RBMS3: variants seen among roughly 807,000 people sequenced by gnomAD.
The protein encoded by RBMS3 is RNA binding motif single stranded interacting protein 3.
Under a neutral mutation model 66.8 loss-of-function variants are expected in RBMS3, and 27 were observed. The ratio of observed to expected loss-of-function variants is 0.40; its 90% CI spans 0.30 to 0.56. The LOEUF is 0.56. RBMS3 is among the 20% of genes least tolerant of loss of function. The pLI is 0.40. For missense variants in RBMS3, 513 were observed against 549.5 expected (o/e 0.93, Z 0.66); for synonymous variants, 188 against 183.0 (o/e 1.03, Z -0.22).
chr3:29,879,341 C>G (rs2059684272), intron 7 of RBMS3, among the ~76,000 whole-genome samples: 1 of 152,010 alleles, frequency 6.6e-6, no homozygotes, highest in African/African-American at 2.4e-5. Context: ...TTTTAAGCCC[C>G]TTTTTATACA....
At position 29,498,554 on chromosome 3, in the gene RBMS3, TTC is replaced by T. The variant is rs375933268; in HGVS notation, c.307+10057_307+10058del. 1.7e-3 allele frequency among the ~76,000 whole-genome samples: 260 copies of T among 152,296 alleles called. 1 individual carries two copies. The highest frequency in any genetic ancestry group is 6.1e-3 in the African/African-American group (253 of 41,554). On this transcript the variant is annotated intron_variant, in intron 3 of 14. Transcript: ENST00000383767. Reference sequence around the variant, plus strand: ...CCTTTTAAATATAAAAAAGACACAGTTCTTCAAAAATTTTCTAATTGAAGTCT... The same window carrying T: ...CCTTTTAAATATAAAAAAGACACAGTTTCAAAAATTTTCTAATTGAAGTCT...
At chr3:29,844,888 G>GT (rs1388556666) in intron 6 of RBMS3, among the ~76,000 whole-genome samples, 9 of 152,188 alleles carry the variant, frequency 5.9e-5, no homozygotes, top group Non-Finnish European at 1.0e-4. Flanking sequence ...CTTAAAAAGT[G>GT]TCATTCTTTG....
chr3:29,491,429 T>C (rs140955936), intron 3 of RBMS3, among the ~76,000 whole-genome samples: 5 of 152,362 alleles, frequency 3.3e-5, no homozygotes, highest in African/African-American at 1.2e-4. Flanking sequence ...TTTACATCTC[T>C]CTTTGTTTTT....
At chr3:29,796,847 G>A (rs1225323392) in intron 6 of RBMS3, among the ~76,000 whole-genome samples, 1 of 151,366 alleles carries the variant, frequency 6.6e-6, no homozygotes, top group African/African-American at 2.4e-5. Flanking sequence ...AGAGTAGCTG[G>A]GACTATAGGC....
chr3:29,984,478 C>G (rs1407996173), intron 12 of RBMS3, among the ~76,000 whole-genome samples: 15 of 151,878 alleles, frequency 9.9e-5, no homozygotes, highest in Admixed American at 9.8e-4. Context: ...GTGATCCTTT[C>G]AAGGAGAAGA....
chr3:29,726,310 G>T lies in RBMS3; in HGVS notation c.400-13410G>T, dbSNP rs57762662. 2.6e-5 allele frequency among the ~76,000 whole-genome samples: 4 copies of T among 152,042 alleles called. 1 individual carries two copies. The highest frequency in any genetic ancestry group is 9.7e-5 in the African/African-American group (4 of 41,348). On this transcript the variant is annotated intron_variant, in intron 4 of 14. Transcript: ENST00000383767. Reference sequence around the variant, plus strand: ...TTGAAAACTGGCAGAAGACAAGGATGCCCTCTCTCACCACTCCTATTCAGC... The same window carrying T: ...TTGAAAACTGGCAGAAGACAAGGATTCCCTCTCTCACCACTCCTATTCAGC...
intron 12 of RBMS3, among the ~76,000 whole-genome samples, chr3:29,964,086 C>T (rs1441722121): frequency 1.5e-4 from 23 of 152,130 alleles, no homozygotes; most frequent in Admixed American, 1.2e-3. Flanking sequence ...GAATCCACCA[C>T]GAAGTGTGTT....
intron 4 of RBMS3, among the ~76,000 whole-genome samples, chr3:29,587,435 T>A (rs1401285688): frequency 1.3e-5 from 2 of 151,780 alleles, no homozygotes; most frequent in Non-Finnish European, 2.9e-5. Flanking sequence ...CTTAGGAGAA[T>A]CTGTCTGGCT....
rs933669364 is a variant in RBMS3, at chr3:30,006,572, G to T, written c.*2710G>T. ...GCACTTAAGTTTTTATCTTTGAAAA[G>T]TGGGCCCCAAAGTTTTTTGGGGTAC... is the stretch of plus-strand genomic sequence containing the variant. On this transcript the variant is annotated 3_prime_UTR_variant, in exon 15 of 15. Coordinates refer to ENST00000383767, the MANE Select transcript of RBMS3 (RefSeq NM_001003793.3). 2.0e-5 allele frequency: 3 copies of T among 151,880 alleles called. No homozygotes were observed. The highest frequency in any genetic ancestry group is 4.4e-5 in the Non-Finnish European group (3 of 67,844). 9.4% of individuals were successfully genotyped at this position (151,880 alleles called of 1,614,324 possible).
intron 6 of RBMS3, among the ~76,000 whole-genome samples, chr3:29,816,247 CA>C (rs919327723): frequency 1.3e-5 from 2 of 151,572 alleles, no homozygotes; most frequent in African/African-American, 2.4e-5. Flanking sequence ...GCCCGATTAG[CA>C]AAGCCAAAAA....
rs189673254 is a variant in RBMS3, at chr3:29,454,534, G to A, written c.248+19619G>A. On this transcript the variant is annotated intron_variant, in intron 2 of 14. Transcript: ENST00000383767. ...ACAAGAGCTCTATTGTCTCTAATCC[G>A]CGTCACCACCCAGGACAAGCACCAA... is the stretch of plus-strand genomic sequence containing the variant. 1.5e-4 allele frequency among the ~76,000 whole-genome samples: 23 copies of A among 152,208 alleles called. No individual in the cohort carries two copies. In the East Asian group the frequency reaches 1.7e-3, roughly 11 times the overall value.
chr3:29,353,435 CATTT>C (rs903204810), intron 1 of RBMS3, among the ~76,000 whole-genome samples: 1 of 151,838 alleles, frequency 6.6e-6, no homozygotes, highest in African/African-American at 2.4e-5. Flanking sequence ...TTTATAGAAA[CATTT>C]ATTTCTTAAA....
chr3:29,547,598 A>G (rs2046009684), intron 3 of RBMS3, among the ~76,000 whole-genome samples: 1 of 151,994 alleles, frequency 6.6e-6, no homozygotes, highest in African/African-American at 2.4e-5. Flanking sequence ...GCTGAGGGAT[A>G]TTTTCTGATT....
chr3:29,512,109 A>T (rs1351767634), intron 3 of RBMS3, among the ~76,000 whole-genome samples: 1 of 151,982 alleles, frequency 6.6e-6, no homozygotes, highest in Admixed American at 6.6e-5. Flanking sequence ...CTTTATTCAG[A>T]TTTACTAAAA....
At chr3:29,294,572 G>GA (rs2033087781) in intron 1 of RBMS3, among the ~76,000 whole-genome samples, 1 of 151,860 alleles carries the variant, frequency 6.6e-6, no homozygotes, top group Non-Finnish European at 1.5e-5. Flanking sequence ...ACTGGGGGAT[G>GA]AAAGTAAGCA....
intron 4 of RBMS3, among the ~76,000 whole-genome samples, chr3:29,678,270 A>G (rs2051335856): frequency 2.0e-5 from 3 of 152,138 alleles, no homozygotes; most frequent in African/African-American, 7.2e-5. Flanking sequence ...ATATATGTTA[A>G]ATAGGAGTTT....
At chr3:29,819,422 T>G (rs954507041) in intron 6 of RBMS3, among the ~76,000 whole-genome samples, 21 of 152,200 alleles carry the variant, frequency 1.4e-4, no homozygotes, top group Admixed American at 3.9e-4. Flanking sequence ...CAGACCAGAT[T>G]TGGACCACAA....
intron 12 of RBMS3, among the ~76,000 whole-genome samples, chr3:29,982,521 T>C (rs1437908930): frequency 1.3e-5 from 2 of 152,220 alleles, no homozygotes; most frequent in Admixed American, 6.5e-5. Flanking sequence ...GTGTCGATTT[T>C]AGATCTTTCC....
At chr3:29,301,418 A>G (rs1201953774) in intron 1 of RBMS3, among the ~76,000 whole-genome samples, 5 of 152,064 alleles carry the variant, frequency 3.3e-5, no homozygotes, top group Admixed American at 3.3e-4. Context: ...GACAAGTCTC[A>G]GAAAGTTTAG....
Sources: allele counts gnomAD v4.1 joint callset (sites outside exome capture counted in the v4.1 genomes callset), GRCh38; gene constraint gnomAD v4.1.1; transcripts MANE v1.5; gene names NCBI Gene and HGNC (gene_info 2026-07-23, HGNC 2026-07-21).